TTC4: variants seen among roughly 807,000 people sequenced by gnomAD.
TTC4 encodes the protein tetratricopeptide repeat domain 4.
A neutral mutation model predicts 51.9 loss-of-function variants in TTC4; 36 were observed. That is an observed-to-expected ratio of 0.69 (90% CI 0.53 to 0.92). The LOEUF (loss-of-function observed/expected upper bound fraction) is 0.92. Ranked by LOEUF, TTC4 falls within the 40% of genes least tolerant of loss-of-function variation. TTC4 has a pLI of 0.00. For synonymous variants in TTC4, 144 were observed against 164.2 expected, an observed-to-expected ratio of 0.88 and a Z score of 0.94; for missense variants, 399 against 454.6, an observed-to-expected ratio of 0.88 and a Z score of 1.11.
intron 9 of TTC4, among the ~76,000 whole-genome samples, chr1:54,739,487 G>A (rs1645986578): frequency 6.6e-6 from 1 of 152,244 alleles, no homozygotes; most frequent in African/African-American, 2.4e-5. Flanking sequence ...CAGGATAGGA[G>A]TTGAAGTGCT....
chr1:54,718,079 T>C (rs1359320807), intron 3 of TTC4, among the ~76,000 whole-genome samples: 1 of 152,116 alleles, frequency 6.6e-6, no homozygotes, highest in East Asian at 1.9e-4. Flanking sequence ...TGTGGGACCT[T>C]TGAGTTAAAA....
intron 3 of TTC4, among the ~76,000 whole-genome samples, chr1:54,719,966 A>G (rs964845002): frequency 6.7e-6 from 1 of 150,214 alleles, no homozygotes; most frequent in African/African-American, 2.5e-5. Flanking sequence ...AGCTGTGATC[A>G]TAGCATAGTG....
intron 3 of TTC4, among the ~76,000 whole-genome samples, chr1:54,718,458 G>C: frequency 6.6e-6 from 1 of 151,584 alleles, no homozygotes; most frequent in East Asian, 1.9e-4. Flanking sequence ...CATGTTGCCC[G>C]GGCTGGTCTC....
In TTC4 at chr1:54,715,904, C is replaced by G. The variant is rs764475940; in HGVS notation, c.-5C>G. The G allele has an allele frequency of 1.3e-6, 2 of 1,599,530 alleles. No individual in the cohort carries two copies. Among genetic ancestry groups the G allele is most frequent in the Admixed American group, 1.7e-5 (1 of 58,600 alleles). Reference sequence around the variant, plus strand: ...GGACCCGGGCTGGAAGGCAGGGCATCAGCTATGGAACAACCTGGGCAGGAT... The same window carrying G: ...GGACCCGGGCTGGAAGGCAGGGCATGAGCTATGGAACAACCTGGGCAGGAT... On this transcript the variant is annotated 5_prime_UTR_variant, in exon 1 of 10. In the 5' UTR this introduces an upstream ATG that the reference lacks. Transcript: ENST00000371281.
intron 3 of TTC4, 66 bp from the exon 4 acceptor site, chr1:54,721,097 C>G: frequency 6.9e-7 from 1 of 1,455,264 alleles, no homozygotes; most frequent in South Asian, 1.2e-5. Context: ...TTTGTCACTA[C>G]ATATAAAATT....
rs1199227811 is a variant in TTC4, at chr1:54,716,607, A to T, written c.119A>T (p.Glu40Val). The T allele has an allele frequency of 6.2e-7, 1 of 1,610,950 alleles. No homozygotes were observed. Among genetic ancestry groups the T allele is most frequent in the Non-Finnish European group, 8.5e-7 (1 of 1,178,726 alleles). ...ATTCTTAACCATTTACAGGAATTTGAAAAGGTCCCCCTATTTATGTCGAGA... is the reference window on the plus strand; with the variant it reads ...ATTCTTAACCATTTACAGGAATTTGTAAAGGTCCCCCTATTTATGTCGAGA... ...FHEDQWEKEFEKVPLFMSRAP... is the reference protein window; with the variant it reads ...FHEDQWEKEFVKVPLFMSRAP... Residue 40 changes from glutamate to valine, a missense_variant, in exon 2 of 10, where the codon GAA (glutamate) becomes GTA (valine). Around this residue, in one of 3 missense-constraint regions of TTC4, gnomAD observed 316 missense variants for 349.6 expected, o/e 0.90. Coordinates refer to ENST00000371281, the MANE Select transcript of TTC4 (RefSeq NM_004623.5).
chr1:54,740,233 AGGC>A (rs1269872426), intron 9 of TTC4, among the ~76,000 whole-genome samples: 1 of 152,174 alleles, frequency 6.6e-6, no homozygotes, highest in Non-Finnish European at 1.5e-5. Flanking sequence ...TTCAGTGGTG[AGGC>A]CTGAAGTAGG....
chr1:54,716,529 T>C, intron 1 of TTC4, 71 bp from the exon 2 acceptor site: 1 of 1,236,678 alleles, frequency 8.1e-7, no homozygotes, highest in Non-Finnish European at 1.1e-6. Flanking sequence ...AAAACTTTGG[T>C]AATGAGTCAT....
At chr1:54,734,172 A>G (rs1194618295) in intron 8 of TTC4, among the ~76,000 whole-genome samples, 2 of 151,494 alleles carry the variant, frequency 1.3e-5, no homozygotes, top group East Asian at 3.9e-4. Flanking sequence ...CCCAGGTTCA[A>G]GCGATTCTCC....
intron 6 of TTC4, among the ~76,000 whole-genome samples, chr1:54,730,635 G>A (rs1645853985): frequency 1.3e-5 from 2 of 152,112 alleles, no homozygotes; most frequent in Admixed American, 1.3e-4. Context: ...TTCCCCTCAT[G>A]TGCTAACCTT....
At chr1:54,716,232 T>A in intron 1 of TTC4, 2 of 575,352 alleles carry the variant, frequency 3.5e-6, no homozygotes, top group Non-Finnish European at 6.2e-6. Flanking sequence ...ACTCCACCAC[T>A]TAACTGGCTC....
At chr1:54,731,769 G>T in intron 7 of TTC4, 69 bp downstream of exon 7, 1 of 1,487,280 alleles carries the variant, frequency 6.7e-7, no homozygotes, top group Admixed American at 2.0e-5. Flanking sequence ...CAGGAGGGAC[G>T]AGTGGATTTT....
intron 9 of TTC4, among the ~76,000 whole-genome samples, chr1:54,737,869 G>A (rs1645966163): frequency 6.6e-6 from 1 of 152,148 alleles, no homozygotes; most frequent in Admixed American, 6.5e-5. Context: ...TACGTGGATG[G>A]CGGAAGGCAA....
Position 54,741,408 on chromosome 1 carries a change from C to T in TTC4, c.1062-3C>T. 6.2e-7 allele frequency: 1 copy of T among 1,612,854 alleles called. No individual in the cohort carries two copies. The highest frequency in any genetic ancestry group is 8.5e-7 in the Non-Finnish European group (1 of 1,178,826). ...ACCCTCTCTTTTGTTGTGTTCACGG[C>T]AGGTACTTTGTAAAAGCCCTGACAC... On this transcript the variant is annotated splice_polypyrimidine_tract_variant and splice_region_variant and intron_variant, in intron 9 of 9. Coordinates refer to ENST00000371281, the MANE Select transcript of TTC4 (RefSeq NM_004623.5).
At chr1:54,720,889 C>G (rs551281385) in intron 3 of TTC4, among the ~76,000 whole-genome samples, 1 of 152,142 alleles carries the variant, frequency 6.6e-6, no homozygotes, top group Non-Finnish European at 1.5e-5. Context: ...TATTATTTGT[C>G]TAACTTTTAG....
chr1:54,722,714 C>T lies in TTC4; in HGVS notation c.509C>T (p.Ala170Val). ...CTGGAACTGAAACACTTTGCCGAGG[C>T]CGTGAACTGGTGTGATGAGGGACTG... ...CHLELKHFAE[A>V]VNWCDEGLQI... is the part of the protein sequence containing the mutation. The change falls in exon 5 of 10, where the codon GCC becomes GTC. Residue 170 changes from alanine (A) to valine (V), a missense_variant. Physicochemically the swap from Ala to Val is moderately conservative, Grantham distance 64. Around this residue, in one of 3 missense-constraint regions of TTC4, gnomAD observed 316 missense variants for 349.6 expected, o/e 0.90. Transcript: ENST00000371281. 1 of 1,613,790 alleles carries T rather than the reference C, an allele frequency of 6.2e-7. No homozygotes were observed. Among genetic ancestry groups the T allele is most frequent in the South Asian group, 1.1e-5 (1 of 91,066 alleles).
rs760735709 is a variant in TTC4 at position 54,741,551 on chromosome 1, T to A, written c.*38T>A. The A allele has an allele frequency of 4.5e-6, 7 of 1,543,550 alleles. No homozygotes were observed. The East Asian group carries it at 1.6e-4, about 35-fold the overall frequency. ...CCCTGGATCTCCTCCCTTACCCTCC[T>A]CTGCTGGGAACCTAGCACACCTGAA... On this transcript the variant is annotated 3_prime_UTR_variant, in exon 10 of 10. Coordinates refer to ENST00000371281, the MANE Select transcript of TTC4 (RefSeq NM_004623.5).
In TTC4 at chr1:54,741,452, T is replaced by C; in HGVS notation, c.1103T>C (p.Val368Ala). 1 of 1,614,234 alleles carries C rather than the reference T, an allele frequency of 6.2e-7. No individual in the cohort carries two copies. Among genetic ancestry groups the C allele is most frequent in the Non-Finnish European group, 8.5e-7 (1 of 1,180,052 alleles). The stretch of plus-strand genomic sequence containing the variant: ...CTGACACCAGCATTTTTGGTCTGTG[T>C]AGGATCCTCTCCTTTTTGCAAGAAT... ...KALTPAFLVC[V>A]GSSPFCKNFL... is the part of the protein sequence containing the mutation. The change falls in exon 10 of 10, where the codon GTA becomes GCA. Residue 368 changes from valine (V) to alanine (A), a missense_variant. Coordinates refer to ENST00000371281, the MANE Select transcript of TTC4 (RefSeq NM_004623.5).
chr1:54,739,030 A>G (rs1048374136), intron 9 of TTC4, among the ~76,000 whole-genome samples: 4 of 143,372 alleles, frequency 2.8e-5, no homozygotes, highest in African/African-American at 1.1e-4. Context: ...GCTTTTTCTT[A>G]TTTTGAATTT....
Sources: gnomAD v4.1 joint callset for allele counts (sites outside exome capture counted in the v4.1 genomes callset) on GRCh38, gnomAD v4.1.1 for gene constraint, gnomAD v4.1.1 regional missense constraint, MANE v1.5 for transcripts, NCBI Gene and HGNC (gene_info 2026-07-23, HGNC 2026-07-21) for gene names.